The following MYOF variants were observed in gnomAD, a reference collection of about 807,000 sequenced individuals.
The protein encoded by MYOF is fer-1-like 3, myoferlin.
A neutral mutation model predicts 284.2 loss-of-function variants in MYOF; 244 were observed. The ratio of observed to expected loss-of-function variants is 0.86; its 90% CI spans 0.77 to 0.95. The LOEUF (loss-of-function observed/expected upper bound fraction) is 0.95. MYOF is among the 40% of genes least tolerant of loss of function. The pLI is 0.00. For synonymous variants in MYOF, 904 were observed against 919.7 expected (o/e 0.98, Z 0.31); for missense variants, 2,496 against 2,560.6 (o/e 0.97, Z 0.54).
At chr10:93,431,221 G>A (rs1848850560) in intron 4 of MYOF, among the ~76,000 whole-genome samples, 187 bp downstream of exon 4, 1 of 151,950 alleles carries the variant, frequency 6.6e-6, no homozygotes, top group Non-Finnish European at 1.5e-5. Flanking sequence ...TTGGGATGGG[G>A]TTTCGGCATG....
In MYOF at chr10:93,374,857, G is replaced by A. The variant is rs376035746; in HGVS notation, c.2207C>T (p.Ala736Val). The A allele has an allele frequency of 1.5e-5, 25 of 1,614,018 alleles. No homozygotes were observed. The African/African-American group carries it at 2.3e-4, about 15-fold the overall frequency. ...GGCTTCCGACCTCATCCTCACAGCC[G>A]CCTCATGTATTTGGGAGAGAGACCT... ...RSRSLSQIHE[A>V]AVRMRSEATD... Residue 736 changes from alanine to valine, a missense_variant, in exon 23 of 54, where the codon GCG (alanine) becomes GTG (valine). Physicochemically the swap from Ala to Val is moderately conservative, Grantham distance 64. Coordinates refer to ENST00000359263, the MANE Select transcript of MYOF (RefSeq NM_013451.4).
intron 19 of MYOF, among the ~76,000 whole-genome samples, chr10:93,385,176 C>T (rs1846305822): frequency 6.6e-6 from 1 of 152,096 alleles, no homozygotes; most frequent in South Asian, 2.1e-4. Context: ...GACTCTTGAT[C>T]CTGGAGACAA....
intron 37 of MYOF, among the ~76,000 whole-genome samples, chr10:93,346,251 T>G (rs1297587658): frequency 1.7e-4 from 26 of 152,192 alleles, no homozygotes; most frequent in Non-Finnish European, 2.9e-5. Flanking sequence ...GGATCCAGGA[T>G]GCTTAGTCAG....
rs771670858 is a variant in MYOF, at chr10:93,316,787, C to T, written c.5625G>A (p.Thr1875=). ...TCAGCCTGGGTGGGATTCGAAATTC[C>T]GTTTGGTCAATACTCCAGAAATGCT... ...KKEHFWSIDQ[T]EFRIPPRLII... The change falls in exon 50 of 54, where the codon ACG becomes ACA. Residue 1875 remains threonine, a synonymous_variant. Transcript: ENST00000359263. The T allele has an allele frequency of 2.2e-5, 36 of 1,613,618 alleles. No homozygotes were observed. The highest frequency in any genetic ancestry group is 9.4e-5 in the African/African-American group (7 of 74,814).
intron 17 of MYOF, among the ~76,000 whole-genome samples, chr10:93,392,232 G>T (rs1182685795): frequency 1.3e-5 from 2 of 152,160 alleles, no homozygotes; most frequent in East Asian, 3.9e-4. Context: ...AGTTTGCAAA[G>T]CTTTCCCACA....
At chr10:93,481,817 T>A (rs1332577759) in intron 1 of MYOF, among the ~76,000 whole-genome samples, 1 of 152,182 alleles carries the variant, frequency 6.6e-6, no homozygotes, top group Non-Finnish European at 1.5e-5. Context: ...AATACAGATG[T>A]TTGTTGATAC....
At chr10:93,460,562 G>A (rs1418281422) in intron 1 of MYOF, among the ~76,000 whole-genome samples, 6 of 126,958 alleles carry the variant, frequency 4.7e-5, no homozygotes, top group Non-Finnish European at 8.3e-5. Context: ...TCAGGAGTTC[G>A]AGACCAGCCT....
chr10:93,315,228 G>A (rs1842565815), intron 50 of MYOF, among the ~76,000 whole-genome samples: 1 of 152,188 alleles, frequency 6.6e-6, no homozygotes, highest in South Asian at 2.1e-4. Context: ...CCTTTGGTGG[G>A]TGTTTCCTCT....
intron 51 of MYOF, among the ~76,000 whole-genome samples, chr10:93,312,490 T>C (rs1396797888): frequency 2.0e-5 from 3 of 152,030 alleles, no homozygotes; most frequent in Non-Finnish European, 4.4e-5. Context: ...GGACTACAGG[T>C]GTGCACCACC....
rs59229798 is a variant in MYOF, at chr10:93,426,176, G to T, written c.346-18C>A. ...ATGGTGGCCTGGGTAGAAATAATTC[G>T]TTGCAAATATTATCAGTGCAGGGCA... On this transcript the variant is annotated intron_variant, in intron 4 of 53. Coordinates refer to ENST00000359263, the MANE Select transcript of MYOF (RefSeq NM_013451.4). 2 of 1,550,708 alleles carry T rather than the reference G, an allele frequency of 1.3e-6. No individual in the cohort carries two copies. The highest frequency in any genetic ancestry group is 1.7e-6 in the Non-Finnish European group (2 of 1,146,624).
At position 93,337,733 on chromosome 10, in the gene MYOF, T is replaced by G. The variant is rs984707807; in HGVS notation, c.4437+82A>C. On this transcript the variant is annotated intron_variant, in intron 40 of 53. Coordinates refer to ENST00000359263, the MANE Select transcript of MYOF (RefSeq NM_013451.4). The stretch of plus-strand genomic sequence containing the variant: ...CTCATTAGCACCCACCCAAGGGACC[T>G]TTTAGTCATCCTCTTAGCTCTGCCT... 11 of 1,195,494 alleles carry G rather than the reference T, an allele frequency of 9.2e-6. No homozygotes were observed. In the African/African-American group the frequency reaches 1.5e-4, roughly 17 times the overall value. 74.1% of individuals were successfully genotyped at this position (1,195,494 alleles called of 1,614,324 possible).
intron 5 of MYOF, among the ~76,000 whole-genome samples, chr10:93,410,323 G>C (rs764269680): frequency 2.0e-5 from 3 of 152,008 alleles, no homozygotes; most frequent in African/African-American, 7.3e-5. Context: ...TAACACACAC[G>C]TGTCCCCTCC....
rs1057358958 is a variant in MYOF, at chr10:93,306,893, T to C, written c.*70A>G. ...TGTGGTCTCAGACACAAAATCACACTGGATGTTGGTCTACAGAGGCAGGAT... is the reference window on the plus strand; with the variant it reads ...TGTGGTCTCAGACACAAAATCACACCGGATGTTGGTCTACAGAGGCAGGAT... On this transcript the variant is annotated 3_prime_UTR_variant, in exon 54 of 54. Coordinates refer to ENST00000359263, the MANE Select transcript of MYOF (RefSeq NM_013451.4). 2 of 1,493,656 alleles carry C rather than the reference T, an allele frequency of 1.3e-6. No individual in the cohort carries two copies. Among genetic ancestry groups the C allele is most frequent in the African/African-American group, 2.8e-5 (2 of 72,046 alleles). The allele number at this position is 1,493,656 out of a possible 1,614,324, so 92.5% of individuals were successfully genotyped here. A position where few individuals can be genotyped will look rare whatever the true frequency, so the allele number is the denominator to read the frequency against.
At chr10:93,455,631 C>A (rs2056727479) in intron 2 of MYOF, among the ~76,000 whole-genome samples, 1 of 152,148 alleles carries the variant, frequency 6.6e-6, no homozygotes, top group African/African-American at 2.4e-5. Flanking sequence ...CGCCACCGCA[C>A]TCCAACCTGA....
At chr10:93,409,463 C>T (rs775212797) in intron 6 of MYOF, 110 bp downstream of exon 6, 17 of 1,273,512 alleles carry the variant, frequency 1.3e-5, no homozygotes, top group African/African-American at 7.4e-5. Context: ...CTCTCTTTAC[C>T]GGTTGAGCCA....
At chr10:93,391,329 G>A (rs118019481) in intron 17 of MYOF, among the ~76,000 whole-genome samples, 1,915 of 152,220 alleles carry the variant, frequency 0.013, 11 homozygotes, top group Non-Finnish European at 0.022. Flanking sequence ...GGTGGCTCAC[G>A]CCTGTAATCC....
intron 12 of MYOF, 83 bp from the exon 13 acceptor site, chr10:93,399,578 A>G (rs77041759): frequency 0.052 from 47,779 of 921,578 alleles, 1,496 homozygotes; most frequent in Middle Eastern, 0.08. Flanking sequence ...TTATACATCA[A>G]AATAGTTGCA....
intron 5 of MYOF, 87 bp from the exon 6 acceptor site, chr10:93,409,826 T>C (rs3818352): frequency 0.068 from 102,549 of 1,509,488 alleles, 13,120 homozygotes; most frequent in East Asian, 0.67. Flanking sequence ...CGGTTTTGTC[T>C]GCCATTATGT....
chr10:93,414,014 A>T (rs1370098733), intron 5 of MYOF, among the ~76,000 whole-genome samples: 1 of 152,096 alleles, frequency 6.6e-6, no homozygotes, highest in Non-Finnish European at 1.5e-5. Context: ...AAAAGAAAAG[A>T]AAAGAAAGAA....
Sources: allele counts gnomAD v4.1 joint callset (sites outside exome capture counted in the v4.1 genomes callset), GRCh38; gene constraint gnomAD v4.1.1; transcripts MANE v1.5; gene names NCBI Gene and HGNC (gene_info 2026-07-23, HGNC 2026-07-21).